The following EHBP1 variants were observed in gnomAD, a reference collection of about 807,000 sequenced individuals.
EHBP1 encodes EH domain binding protein 1.
A neutral mutation model predicts 144.0 loss-of-function variants in EHBP1; 55 were observed. That is an observed-to-expected ratio of 0.38 (90% CI 0.31 to 0.48). EHBP1 has a LOEUF of 0.48. Ranked by LOEUF, EHBP1 falls within the 20% of genes least tolerant of loss-of-function variation. The probability of loss-of-function intolerance (pLI) is 0.98; values close to 1 mark genes in which losing one functional copy is unlikely to be tolerated. For synonymous variants in EHBP1, 469 were observed against 472.7 expected (o/e 0.99, Z 0.10); for missense variants, 1,200 against 1,364.2 (o/e 0.88, Z 1.90).
chr2:63,012,732 C>A (rs1293312750), intron 19 of EHBP1, among the ~76,000 whole-genome samples: 1 of 152,126 alleles, frequency 6.6e-6, no homozygotes, highest in East Asian at 1.9e-4. Context: ...TGAAATGGTT[C>A]TTTGAGAATG....
At chr2:62,945,038 G>T (rs1199599801) in intron 12 of EHBP1, among the ~76,000 whole-genome samples, 2 of 152,192 alleles carry the variant, frequency 1.3e-5, no homozygotes, top group Non-Finnish European at 2.9e-5. Flanking sequence ...CTTCAATTAT[G>T]AATTTAGGCA....
intron 3 of EHBP1, among the ~76,000 whole-genome samples, chr2:62,753,444 T>C (rs1217366993): frequency 6.6e-6 from 1 of 152,192 alleles, no homozygotes; most frequent in Admixed American, 6.6e-5. Flanking sequence ...ATTTTTTCCT[T>C]TATTTCAACT....
intron 9 of EHBP1, among the ~76,000 whole-genome samples, chr2:62,865,193 T>G (rs919612226): frequency 1.3e-5 from 2 of 152,216 alleles, no homozygotes; most frequent in Non-Finnish European, 2.9e-5. Context: ...GAGGAAGATA[T>G]ATTCCTAGAA....
intron 10 of EHBP1, among the ~76,000 whole-genome samples, chr2:62,912,560 T>A (rs1019138859): frequency 2.6e-5 from 4 of 152,028 alleles, no homozygotes; most frequent in Non-Finnish European, 5.9e-5. Context: ...TCAAAAAATA[T>A]TTTTTAATGC....
chr2:62,792,598 TACTC>T lies in EHBP1; in HGVS notation c.312+21208_312+21211del, dbSNP rs796159808. Among the ~76,000 whole-genome samples, 66 of 152,174 alleles carry T rather than the reference TACTC, an allele frequency of 4.3e-4. 1 individual carries two copies. The highest frequency in any genetic ancestry group is 1.4e-3 in the African/African-American group (58 of 41,556). ...TATGGATTTTTAAAAAATTTGACCT[TACTC>T]AGCTATTTAATTTTTCATGTGATAG... On this transcript the variant is annotated intron_variant, in intron 5 of 22. Coordinates refer to ENST00000431489, the MANE Select transcript of EHBP1 (RefSeq NM_001142616.3).
At chr2:62,791,053 C>T (rs1416447932) in intron 5 of EHBP1, among the ~76,000 whole-genome samples, 1 of 151,954 alleles carries the variant, frequency 6.6e-6, no homozygotes, top group Non-Finnish European at 1.5e-5. Context: ...TCATAAAATT[C>T]TCCTTGCTCA....
chr2:62,997,969 T>C (rs2059707422), intron 19 of EHBP1, among the ~76,000 whole-genome samples: 1 of 152,146 alleles, frequency 6.6e-6, no homozygotes. Context: ...TTTATTTATC[T>C]GAAATAGTGG....
intron 3 of EHBP1, among the ~76,000 whole-genome samples, chr2:62,758,922 C>G (rs2040529092): frequency 6.6e-6 from 1 of 152,140 alleles, no homozygotes; most frequent in African/African-American, 2.4e-5. Context: ...TGAAAATTGT[C>G]AGTTTAAAAA....
intron 1 of EHBP1, among the ~76,000 whole-genome samples, chr2:62,678,924 G>A (rs2033411037): frequency 6.6e-6 from 1 of 151,944 alleles, no homozygotes; most frequent in African/African-American, 2.4e-5. Context: ...TTAAAGCCAT[G>A]TTAATTTTAA....
At chr2:63,007,639 C>T (rs562822291) in intron 19 of EHBP1, among the ~76,000 whole-genome samples, 2 of 151,804 alleles carry the variant, frequency 1.3e-5, no homozygotes, top group African/African-American at 2.4e-5. Flanking sequence ...CCCTGTCCTC[C>T]GTGTATATCG....
At chr2:62,810,484 C>G (rs990225669) in intron 5 of EHBP1, among the ~76,000 whole-genome samples, 5 of 152,148 alleles carry the variant, frequency 3.3e-5, no homozygotes, top group African/African-American at 1.2e-4. Flanking sequence ...GATTGAGAGG[C>G]TTGATGGTGG....
chr2:62,844,966 C>A (rs971429004), intron 7 of EHBP1, among the ~76,000 whole-genome samples: 6 of 152,136 alleles, frequency 3.9e-5, no homozygotes, highest in African/African-American at 1.4e-4. Context: ...TCACAGCAAT[C>A]TGAATACTGT....
At chr2:62,859,339 C>T in intron 8 of EHBP1, 48 bp downstream of exon 8, 2 of 1,536,928 alleles carry the variant, frequency 1.3e-6, no homozygotes, top group African/African-American at 1.4e-5. Context: ...GTCAAGTTGA[C>T]TTGAACTGTA....
chr2:62,839,978 G>C (rs1237796054), intron 7 of EHBP1, among the ~76,000 whole-genome samples: 1 of 152,084 alleles, frequency 6.6e-6, no homozygotes, highest in East Asian at 1.9e-4. Context: ...CACAGAATTG[G>C]AAAAAACTAC....
chr2:62,751,061 G>C (rs997026629), intron 3 of EHBP1, among the ~76,000 whole-genome samples: 4 of 152,110 alleles, frequency 2.6e-5, no homozygotes, highest in African/African-American at 4.8e-5. Context: ...TGTCTTGTGT[G>C]AATTTTGAAA....
intron 5 of EHBP1, among the ~76,000 whole-genome samples, chr2:62,787,378 C>T (rs1347555602): frequency 6.7e-6 from 1 of 148,642 alleles, no homozygotes; most frequent in African/African-American, 2.5e-5. Flanking sequence ...CCTGCACCAC[C>T]CCACACTGCA....
intron 19 of EHBP1, among the ~76,000 whole-genome samples, chr2:63,034,120 A>G (rs1427380573): frequency 6.6e-6 from 1 of 152,122 alleles, no homozygotes; most frequent in Non-Finnish European, 1.5e-5. Context: ...AAATATTACC[A>G]GAGATTATAT....
chr2:62,764,250 AT>A lies in EHBP1; in HGVS notation c.163-11del, dbSNP rs2040996931. On this transcript the variant is annotated splice_polypyrimidine_tract_variant and intron_variant, in intron 3 of 22. Transcript: ENST00000431489. Reference sequence around the variant, plus strand: ...TCCCATACTTCATATTGAAGGTATCATTTTTATTCTGGTAGGCACATAGCTG... The same window carrying A: ...TCCCATACTTCATATTGAAGGTATCATTTTATTCTGGTAGGCACATAGCTG... 2.0e-6 allele frequency: 3 copies of A among 1,533,664 alleles called. No individual in the cohort carries two copies. The highest frequency in any genetic ancestry group is 1.3e-5 in the South Asian group (1 of 78,952).
At chr2:62,749,934 G>A (rs963048466) in intron 3 of EHBP1, among the ~76,000 whole-genome samples, 1 of 152,146 alleles carries the variant, frequency 6.6e-6, no homozygotes, top group Non-Finnish European at 1.5e-5. Context: ...TCTGTAGGTT[G>A]TCTGTTCACT....
Sources: allele counts gnomAD v4.1 joint callset (sites outside exome capture counted in the v4.1 genomes callset), GRCh38; gene constraint gnomAD v4.1.1; transcripts MANE v1.5; gene names NCBI Gene and HGNC (gene_info 2026-07-23, HGNC 2026-07-21).